PDE10A: variants seen among roughly 807,000 people sequenced by gnomAD.
PDE10A encodes the protein phosphodiesterase 10A.
A neutral mutation model predicts 97.7 loss-of-function variants in PDE10A; 39 were observed. The observed-to-expected ratio is 0.40, with a 90% CI of 0.31 to 0.52. The LOEUF is 0.52. PDE10A is among the 20% of genes least tolerant of loss of function. The pLI is 0.56. For synonymous variants in PDE10A, 371 were observed against 376.8 expected (o/e 0.98, Z 0.18); for missense variants, 731 against 1,047.8 (o/e 0.70, Z 4.17).
chr6:165,382,601 G>T (rs1033947574), intron 17 of PDE10A, among the ~76,000 whole-genome samples: 6 of 152,084 alleles, frequency 3.9e-5, no homozygotes, highest in African/African-American at 1.2e-4. Flanking sequence ...TCTGTAAAAT[G>T]AAAATAAATT....
intron 1 of PDE10A, among the ~76,000 whole-genome samples, chr6:165,898,032 C>T (rs1357064331): frequency 1.3e-5 from 2 of 150,884 alleles, no homozygotes; most frequent in African/African-American, 4.9e-5. Flanking sequence ...GTACAAGCTG[C>T]CTCCCACATC....
At chr6:165,613,159 G>C (rs1029678519) in intron 1 of PDE10A, among the ~76,000 whole-genome samples, 2 of 151,988 alleles carry the variant, frequency 1.3e-5, no homozygotes, top group African/African-American at 4.8e-5. Context: ...TAAAACAAAA[G>C]GTTATATTAG....
chr6:165,779,781 T>C (rs749319736), intron 1 of PDE10A, among the ~76,000 whole-genome samples: 1 of 152,190 alleles, frequency 6.6e-6, no homozygotes, highest in Non-Finnish European at 1.5e-5. Context: ...AGGGGCTCCC[T>C]GCACCTCCCT....
chr6:165,867,035 A>G (rs531035614), intron 1 of PDE10A, among the ~76,000 whole-genome samples: 1 of 152,188 alleles, frequency 6.6e-6, no homozygotes, highest in East Asian at 1.9e-4. Context: ...AATGAGAAAT[A>G]GAAAGGAGTT....
chr6:165,452,920 T>C (rs1357695630), intron 3 of PDE10A, among the ~76,000 whole-genome samples: 1 of 148,460 alleles, frequency 6.7e-6, no homozygotes, highest in African/African-American at 2.5e-5. Context: ...AAAACAGCTG[T>C]AGGAAGGGCT....
intron 1 of PDE10A, among the ~76,000 whole-genome samples, chr6:165,857,698 C>CAT (rs1554332992): frequency 4.1e-5 from 5 of 123,448 alleles, no homozygotes; most frequent in African/African-American, 1.5e-4. Context: ...TCAACAGTTC[C>CAT]GTGTGTGTGT....
At chr6:165,477,558 C>T (rs1779366168) in intron 3 of PDE10A, among the ~76,000 whole-genome samples, 1 of 152,102 alleles carries the variant, frequency 6.6e-6, no homozygotes, top group Admixed American at 6.5e-5. Flanking sequence ...TAGAAAAATA[C>T]AGTAGGTTAA....
intron 1 of PDE10A, among the ~76,000 whole-genome samples, chr6:165,708,557 G>C (rs983987813): frequency 2.6e-5 from 4 of 151,650 alleles, no homozygotes; most frequent in Admixed American, 6.6e-5. Flanking sequence ...CCACCCCCAC[G>C]CCTGCATCGT....
intron 1 of PDE10A, among the ~76,000 whole-genome samples, chr6:165,877,383 T>G (rs1781369141): frequency 6.6e-6 from 1 of 152,166 alleles, no homozygotes; most frequent in African/African-American, 2.4e-5. Context: ...GCTGGCTTCC[T>G]CCTCATTCAC....
intron 1 of PDE10A, among the ~76,000 whole-genome samples, chr6:165,967,130 T>G (rs1189743787): frequency 1.3e-5 from 2 of 152,192 alleles, no homozygotes; most frequent in East Asian, 3.8e-4. Context: ...GCCCTGGGCT[T>G]TGATTCTCAC....
chr6:165,735,624 G>C (rs1439417803), intron 1 of PDE10A, among the ~76,000 whole-genome samples: 2 of 152,148 alleles, frequency 1.3e-5, no homozygotes, highest in Non-Finnish European at 2.9e-5. Flanking sequence ...CAATGTCCAA[G>C]TTCAAAGGCC....
At chr6:165,398,897 T>TA (rs551558545) in intron 13 of PDE10A, among the ~76,000 whole-genome samples, 50 of 152,208 alleles carry the variant, frequency 3.3e-4, no homozygotes, top group African/African-American at 1.2e-3. Context: ...TCAGATTGAA[T>TA]AAAAAAGTAT....
chr6:165,700,348 G>A (rs1033691308), intron 1 of PDE10A, among the ~76,000 whole-genome samples: 1 of 152,132 alleles, frequency 6.6e-6, no homozygotes, highest in Non-Finnish European at 1.5e-5. Context: ...AAGAGCATGG[G>A]GTGTCTTTTC....
intron 1 of PDE10A, among the ~76,000 whole-genome samples, chr6:165,869,312 A>C (rs1781137062): frequency 6.6e-6 from 1 of 151,164 alleles, no homozygotes; most frequent in Non-Finnish European, 1.5e-5. Context: ...ACCTAGCTGA[A>C]AAAAAATCCA....
intron 14 of PDE10A, among the ~76,000 whole-genome samples, chr6:165,395,555 T>C (rs1174352620): frequency 6.6e-6 from 1 of 152,120 alleles, no homozygotes; most frequent in Non-Finnish European, 1.5e-5. Context: ...AAAAGGTATA[T>C]TACAAATATT....
intron 1 of PDE10A, among the ~76,000 whole-genome samples, chr6:165,820,694 C>T (rs111482178): frequency 7.2e-5 from 11 of 152,278 alleles, no homozygotes; most frequent in East Asian, 3.9e-4. Flanking sequence ...GAAGGATACC[C>T]GGAATGAAGA....
At chr6:165,472,694 C>T (rs1779084305) in intron 3 of PDE10A, among the ~76,000 whole-genome samples, 2 of 152,216 alleles carry the variant, frequency 1.3e-5, no homozygotes, top group African/African-American at 4.8e-5. Flanking sequence ...GTGTCATTTA[C>T]ATTATACCAG....
At chr6:165,441,876 T>G (rs1790495048) in intron 5 of PDE10A, among the ~76,000 whole-genome samples, 1 of 152,228 alleles carries the variant, frequency 6.6e-6, no homozygotes, top group African/African-American at 2.4e-5. Flanking sequence ...GCTACTGGAC[T>G]AATAAGTTTT....
chr6:165,793,364 A>G (rs1011982545), intron 1 of PDE10A, among the ~76,000 whole-genome samples: 1 of 152,222 alleles, frequency 6.6e-6, no homozygotes, highest in East Asian at 1.9e-4. Flanking sequence ...AAATCCTGTC[A>G]TCAGAAAAAA....
Sources: gnomAD v4.1 joint callset for allele counts (sites outside exome capture counted in the v4.1 genomes callset) on GRCh38, gnomAD v4.1.1 for gene constraint, MANE v1.5 for transcripts, NCBI Gene and HGNC (gene_info 2026-07-23, HGNC 2026-07-21) for gene names.